The following TENM4 variants were observed in gnomAD, a reference collection of about 807,000 sequenced individuals.
TENM4 encodes the protein teneurin transmembrane protein 4, also known as teneurin-4.
TENM4 carries 82 observed loss-of-function variants against 243.3 expected under a neutral mutation model. The observed-to-expected ratio is 0.34, with a 90% CI of 0.28 to 0.40. The LOEUF (loss-of-function observed/expected upper bound fraction) is 0.40. TENM4 is among the 10% of genes least tolerant of loss of function. The pLI, the probability that TENM4 is intolerant of heterozygous loss-of-function variation, is 1.00. For synonymous variants in TENM4, 1,412 were observed against 1,456.3 expected (o/e 0.97, Z 0.69); for missense variants, 3,138 against 3,673.3 (o/e 0.85, Z 3.77).
At chr11:79,196,408 C>G (rs1169520304) in intron 3 of TENM4, among the ~76,000 whole-genome samples, 2 of 151,880 alleles carry the variant, frequency 1.3e-5, no homozygotes, top group Non-Finnish European at 2.9e-5. Context: ...GAAAACAGGT[C>G]TGAAAGCTAC....
intron 2 of TENM4, among the ~76,000 whole-genome samples, chr11:79,229,015 G>C (rs1363417474): frequency 6.6e-6 from 1 of 152,132 alleles, no homozygotes; most frequent in African/African-American, 2.4e-5. Flanking sequence ...CAATTTTTTA[G>C]ATGTTCTTTG....
intron 2 of TENM4, among the ~76,000 whole-genome samples, chr11:79,248,735 A>G (rs190240451): frequency 1.3e-5 from 2 of 152,248 alleles, no homozygotes; most frequent in African/African-American, 4.8e-5. Flanking sequence ...TGGAAACTAC[A>G]GCATCTTCTG....
intron 23 of TENM4, among the ~76,000 whole-genome samples, chr11:78,724,116 C>T (rs189571750): frequency 6.6e-6 from 1 of 151,406 alleles, no homozygotes; most frequent in Admixed American, 6.6e-5. Context: ...CAGGGTCTCA[C>T]TCTGTTGCCC....
intron 6 of TENM4, among the ~76,000 whole-genome samples, chr11:78,942,405 A>G (rs1856918036): frequency 6.7e-6 from 1 of 148,980 alleles, no homozygotes. Context: ...AGATCATGCC[A>G]CTGCACTCCA....
At chr11:79,239,712 T>C (rs1268639838) in intron 2 of TENM4, among the ~76,000 whole-genome samples, 1 of 152,206 alleles carries the variant, frequency 6.6e-6, no homozygotes, top group African/African-American at 2.4e-5. Context: ...ATTCAGCACC[T>C]ACTATTCCTG....
chr11:79,106,267 C>A (rs1239338451), intron 4 of TENM4, among the ~76,000 whole-genome samples: 1 of 152,240 alleles, frequency 6.6e-6, no homozygotes, highest in Admixed American at 6.5e-5. Flanking sequence ...GGAATCTCCC[C>A]AGCATAGCTG....
chr11:79,318,268 T>C (rs1856834188), intron 1 of TENM4, among the ~76,000 whole-genome samples: 2 of 152,140 alleles, frequency 1.3e-5, no homozygotes, highest in South Asian at 4.1e-4. Flanking sequence ...TCCTAAACCA[T>C]GACATTTACT....
chr11:79,355,578 G>A (rs1244713097), intron 1 of TENM4, among the ~76,000 whole-genome samples: 2 of 152,126 alleles, frequency 1.3e-5, no homozygotes, highest in Non-Finnish European at 2.9e-5. Flanking sequence ...CTGTTCTCTG[G>A]AACACACCTT....
At chr11:79,382,161 G>C (rs901334443) in intron 1 of TENM4, among the ~76,000 whole-genome samples, 1 of 152,188 alleles carries the variant, frequency 6.6e-6, no homozygotes, top group Non-Finnish European at 1.5e-5. Context: ...AGCTCATTAG[G>C]GGGAGGGCCA....
At chr11:79,429,081 C>T (rs1565342972) in intron 1 of TENM4, among the ~76,000 whole-genome samples, 1 of 152,136 alleles carries the variant, frequency 6.6e-6, no homozygotes. Context: ...TGCCTGACAG[C>T]AGCTCAGAGA....
chr11:78,858,296 T>C (rs893592946), intron 10 of TENM4, among the ~76,000 whole-genome samples: 1 of 152,146 alleles, frequency 6.6e-6, no homozygotes, highest in Non-Finnish European at 1.5e-5. Context: ...AAAGGGGACT[T>C]TTCTAGCACT....
intron 17 of TENM4, among the ~76,000 whole-genome samples, chr11:78,772,691 A>C (rs930224260): frequency 2.0e-5 from 3 of 148,658 alleles, no homozygotes; most frequent in Admixed American, 1.3e-4. Flanking sequence ...AGGACTTTTG[A>C]TAGTTGACTG....
chr11:79,033,001 C>A (rs1859285443), intron 6 of TENM4, among the ~76,000 whole-genome samples: 1 of 152,130 alleles, frequency 6.6e-6, no homozygotes, highest in Non-Finnish European at 1.5e-5. Flanking sequence ...TAACAAGTCA[C>A]AGAGCAGTAA....
At position 79,440,269 on chromosome 11, in the gene TENM4, G is replaced by C. The variant is rs1312844118; in HGVS notation, c.-321+240C>G. On this transcript the variant is annotated intron_variant, in intron 1 of 33. Coordinates refer to ENST00000278550, the MANE Select transcript of TENM4 (RefSeq NM_001098816.3). This position sits in a 1 kb window ranked among gnomAD's most constrained non-coding sequence, Gnocchi z 4.7. Reference sequence around the variant, plus strand: ...CCCTTGCTCCCAGGCTCCAGTCCGCGGCGGGCTCCGGGGGCTGCGGCGGCT... The same window carrying C: ...CCCTTGCTCCCAGGCTCCAGTCCGCCGCGGGCTCCGGGGGCTGCGGCGGCT... 6.7e-6 allele frequency among the ~76,000 whole-genome samples: 1 copy of C among 149,730 alleles called. No homozygotes were observed. Among genetic ancestry groups the C allele is most frequent in the African/African-American group, 2.4e-5 (1 of 41,036 alleles).
At chr11:78,903,576 C>A in intron 6 of TENM4, 53 bp from the exon 7 acceptor site, 1 of 1,537,912 alleles carries the variant, frequency 6.5e-7, no homozygotes, top group Non-Finnish European at 8.7e-7. Flanking sequence ...TGCCCCTCGG[C>A]TGGAAAAGCA....
At chr11:79,177,052 C>G (rs1863173874) in intron 3 of TENM4, among the ~76,000 whole-genome samples, 1 of 152,158 alleles carries the variant, frequency 6.6e-6, no homozygotes, top group South Asian at 2.1e-4. Context: ...AATATGCAGA[C>G]ATGACCGTGC....
chr11:78,852,526 T>C (rs990169217), intron 12 of TENM4, among the ~76,000 whole-genome samples: 4 of 151,646 alleles, frequency 2.6e-5, no homozygotes, highest in Admixed American at 6.6e-5. Flanking sequence ...CTACAAAACA[T>C]ACAAAAATTA....
At position 78,657,984 on chromosome 11, in the gene TENM4, A is replaced by T; in HGVS notation, c.*74T>A. On this transcript the variant is annotated 3_prime_UTR_variant, in exon 34 of 34. Coordinates refer to ENST00000278550, the MANE Select transcript of TENM4 (RefSeq NM_001098816.3). ...GCACTTGTTAAAAAATCATTTTTTT[A>T]AAAGTACAACACAGTCAGGTATGCG... 1 of 1,599,844 alleles carries T rather than the reference A, an allele frequency of 6.3e-7. No individual in the cohort carries two copies. Among genetic ancestry groups the T allele is most frequent in the Non-Finnish European group, 8.5e-7 (1 of 1,169,718 alleles).
chr11:79,331,778 C>T (rs1857065753), intron 1 of TENM4, among the ~76,000 whole-genome samples: 1 of 152,250 alleles, frequency 6.6e-6, no homozygotes, highest in African/African-American at 2.4e-5. Context: ...GGGAGCCTCG[C>T]AGGGGCTGAG....
Sources: gnomAD v4.1 joint callset for allele counts (sites outside exome capture counted in the v4.1 genomes callset) on GRCh38, gnomAD v4.1.1 for gene constraint, Gnocchi (gnomAD v3.1) non-coding constraint, MANE v1.5 for transcripts, NCBI Gene and HGNC (gene_info 2026-07-23, HGNC 2026-07-21) for gene names.